KIAA1217: variants seen among roughly 807,000 people sequenced by gnomAD.
The protein encoded by KIAA1217 is KIAA1217.
In KIAA1217, 88 loss-of-function variants were observed where a neutral mutation model predicts 163.9. That is an observed-to-expected ratio of 0.54 (90% CI 0.45 to 0.64). KIAA1217 has a LOEUF of 0.64. Ranked by LOEUF, KIAA1217 falls within the 30% of genes least tolerant of loss-of-function variation. KIAA1217 has a pLI of 0.00. For synonymous variants in KIAA1217, 903 were observed against 923.1 expected (o/e 0.98, Z 0.39); for missense variants, 2,372 against 2,475.0 (o/e 0.96, Z 0.88).
chr10:23,886,394 T>TAGTC (rs1841176736), intron 1 of KIAA1217, among the ~76,000 whole-genome samples: 1 of 152,000 alleles, frequency 6.6e-6, no homozygotes, highest in Non-Finnish European at 1.5e-5. Flanking sequence ...AGTTGCCTTT[T>TAGTC]AGTCAAAACA....
intron 2 of KIAA1217, among the ~76,000 whole-genome samples, chr10:24,222,293 C>G (rs1234523916): frequency 6.6e-6 from 1 of 152,190 alleles, no homozygotes; most frequent in African/African-American, 2.4e-5. Context: ...AAGTCACATT[C>G]TATCTTTCTG....
intron 2 of KIAA1217, among the ~76,000 whole-genome samples, chr10:24,028,240 G>T (rs1243339429): frequency 2.6e-5 from 4 of 151,928 alleles, no homozygotes; most frequent in Admixed American, 1.3e-4. Context: ...TGGGATGATT[G>T]ATCAATTGAT....
At chr10:24,261,728 C>T (rs570770065) in intron 2 of KIAA1217, among the ~76,000 whole-genome samples, 2 of 152,130 alleles carry the variant, frequency 1.3e-5, no homozygotes, top group East Asian at 1.9e-4. Flanking sequence ...GGTGGGCTAC[C>T]GTAACCAGGA....
At chr10:23,821,541 A>T (rs1441399848) in intron 1 of KIAA1217, among the ~76,000 whole-genome samples, 1 of 152,170 alleles carries the variant, frequency 6.6e-6, no homozygotes, top group African/African-American at 2.4e-5. Context: ...AACCTTGAGA[A>T]GCAGAAGGAA....
intron 1 of KIAA1217, among the ~76,000 whole-genome samples, chr10:23,848,360 T>G (rs190711229): frequency 6.6e-6 from 1 of 152,206 alleles, no homozygotes; most frequent in East Asian, 1.9e-4. Flanking sequence ...AGTCTCTTTG[T>G]AGTCTGTAAG....
intron 2 of KIAA1217, among the ~76,000 whole-genome samples, chr10:24,339,561 G>A (rs1214014406): frequency 2.0e-5 from 3 of 152,216 alleles, no homozygotes; most frequent in Admixed American, 6.5e-5. Flanking sequence ...TTTGGTGTTT[G>A]TCAAATATCC....
intron 1 of KIAA1217, among the ~76,000 whole-genome samples, chr10:23,810,293 AG>A (rs1836938731): frequency 6.7e-6 from 1 of 148,890 alleles, no homozygotes; most frequent in Non-Finnish European, 1.5e-5. Flanking sequence ...ATATATGAAA[AG>A]CTATATAGTA....
intron 1 of KIAA1217, among the ~76,000 whole-genome samples, chr10:23,912,654 G>T (rs1383489907): frequency 1.3e-5 from 2 of 152,086 alleles, no homozygotes; most frequent in Non-Finnish European, 2.9e-5. Flanking sequence ...TGCTGCAAAA[G>T]ACATGATTTC....
At position 24,052,231 on chromosome 10, in the gene KIAA1217, T is replaced by C. The variant is rs554459797; in HGVS notation, c.-171+44857T>C. On this transcript the variant is annotated intron_variant, in intron 2 of 18. Coordinates refer to the KIAA1217 transcript ENST00000376462. ...CAGGGATCCTTTAATGCTGATAACA[T>C]GTGAGCAGTATCTCTTATTATGTTT... is the stretch of plus-strand genomic sequence containing the variant. 3.3e-3 allele frequency among the ~76,000 whole-genome samples: 510 copies of C among 152,286 alleles called. 10 individuals are homozygous for C. Among genetic ancestry groups the C allele is most frequent in the African/African-American group, 0.012 (500 of 41,580 alleles).
chr10:24,066,503 G>A (rs144546614), intron 2 of KIAA1217, among the ~76,000 whole-genome samples: 1 of 152,144 alleles, frequency 6.6e-6, no homozygotes, highest in Non-Finnish European at 1.5e-5. Context: ...AGTTTCTGCC[G>A]AGAGATTATC....
chr10:24,325,368 G>A (rs961183582), intron 2 of KIAA1217, among the ~76,000 whole-genome samples: 1 of 152,182 alleles, frequency 6.6e-6, no homozygotes, highest in African/African-American at 2.4e-5. Context: ...AGAATTATTA[G>A]GGGGAATTAT....
rs1193759130 is a variant in KIAA1217, at chr10:24,039,807, G to GATATAT, written c.-171+32438_-171+32439insTATATA. Among the ~76,000 whole-genome samples, 52 of 45,904 alleles carry GATATAT rather than the reference G, an allele frequency of 1.1e-3. 1 individual carries two copies. The highest frequency in any genetic ancestry group is 2.4e-3 in the African/African-American group (48 of 19,610). 30.1% of individuals were successfully genotyped at this position (45,904 alleles called of 152,430 possible). A position where few individuals can be genotyped will look rare whatever the true frequency, so the allele number is the denominator to read the frequency against. On this transcript the variant is annotated intron_variant, in intron 2 of 18. Transcript: ENST00000376462. ...CATGATATAGATATAGATAGATATA[G>GATATAT]ATATAGATATAGATATAGATATAGA...
At chr10:24,339,323 G>C (rs1293383144) in intron 2 of KIAA1217, among the ~76,000 whole-genome samples, 1 of 151,862 alleles carries the variant, frequency 6.6e-6, no homozygotes, top group African/African-American at 2.4e-5. Context: ...CCCAATTTTT[G>C]GCTATTCAAA....
chr10:24,324,092 C>T (rs1564472557), intron 2 of KIAA1217, among the ~76,000 whole-genome samples: 1 of 150,192 alleles, frequency 6.7e-6, no homozygotes, highest in Non-Finnish European at 1.5e-5. Context: ...TATAGCGAGA[C>T]CTCATCTCTA....
chr10:24,177,258 CATATATATATATATAT>C (rs1210930891), intron 2 of KIAA1217, among the ~76,000 whole-genome samples: 15 of 25,154 alleles, frequency 6.0e-4, no homozygotes, highest in African/African-American at 2.5e-3. Context: ...CTCTCACCAT[CATATATATATATATAT>C]ATATATATAT....
At chr10:24,346,345 A>G (rs927086942) in intron 2 of KIAA1217, among the ~76,000 whole-genome samples, 5 of 151,666 alleles carry the variant, frequency 3.3e-5, no homozygotes, top group African/African-American at 1.2e-4. Context: ...GGTGGCGGGC[A>G]CCTGCAGTCC....
chr10:24,521,569 C>G (rs2071284417), intron 11 of KIAA1217, among the ~76,000 whole-genome samples: 1 of 152,162 alleles, frequency 6.6e-6, no homozygotes, highest in Non-Finnish European at 1.5e-5. Flanking sequence ...CCCAAATACA[C>G]AGACAGGAAA....
chr10:24,245,422 T>C (rs2073676126), intron 2 of KIAA1217, among the ~76,000 whole-genome samples: 1 of 152,198 alleles, frequency 6.6e-6, no homozygotes, highest in Non-Finnish European at 1.5e-5. Context: ...AGTGTGACAC[T>C]GTAGACTTGC....
At chr10:24,463,224 T>G (rs2062605027) in intron 5 of KIAA1217, among the ~76,000 whole-genome samples, 1 of 152,206 alleles carries the variant, frequency 6.6e-6, no homozygotes, top group Non-Finnish European at 1.5e-5. Context: ...GCGAAATGAT[T>G]TATTTAACAT....
Sources: gnomAD v4.1 joint callset for allele counts (sites outside exome capture counted in the v4.1 genomes callset) on GRCh38, gnomAD v4.1.1 for gene constraint, MANE v1.5 for transcripts, NCBI Gene and HGNC (gene_info 2026-07-23, HGNC 2026-07-21) for gene names.